The following THBS1 variants were observed in gnomAD, a reference collection of about 807,000 sequenced individuals.
THBS1 encodes the protein thrombospondin-1.
In THBS1, 29 loss-of-function variants were observed where a neutral mutation model predicts 126.1. That is an observed-to-expected ratio of 0.23 (90% CI 0.17 to 0.31). The LOEUF is 0.31. THBS1 is among the 10% of genes least tolerant of loss of function. The probability of loss-of-function intolerance (pLI) is 1.00; values close to 1 mark genes in which losing one functional copy is unlikely to be tolerated. For synonymous variants in THBS1, 496 were observed against 577.8 expected (o/e 0.86, Z 2.03); for missense variants, 1,198 against 1,545.2 (o/e 0.78, Z 3.77).
chr15:39,582,033 A>T, intron 2 of THBS1, 109 bp downstream of exon 2: 2 of 1,364,842 alleles, frequency 1.5e-6, no homozygotes, highest in Non-Finnish European at 2.1e-6. Context: ...CTGACTGGAC[A>T]TCAGGACGCA....
chr15:39,583,539 A>G, intron 3 of THBS1, 78 bp from the exon 4 acceptor site: 1 of 1,202,760 alleles, frequency 8.3e-7, no homozygotes, highest in Non-Finnish European at 1.2e-6. Context: ...TGCTTTTCCT[A>G]GCATACAGAC....
At position 39,588,183 on chromosome 15, in the gene THBS1, G is replaced by T; in HGVS notation, c.1436G>T (p.Arg479Leu). 6.2e-7 allele frequency: 1 copy of T among 1,614,086 alleles called. No individual in the cohort carries two copies. The highest frequency in any genetic ancestry group is 8.5e-7 in the Non-Finnish European group (1 of 1,180,032). The change falls in exon 9 of 22, where the codon CGG (arginine) becomes CTG (leucine). Residue 479 changes from arginine (R) to leucine (L), a missense_variant. Transcript: ENST00000260356. Reference protein sequence around the residue: ...MNGKPCEGEARETKACKKDAC... With the variant: ...MNGKPCEGEALETKACKKDAC... ...GGGAAACCCTGTGAAGGCGAAGCGC[G>T]GGAGACCAAAGCCTGCAAGAAAGAC... is the stretch of plus-strand genomic sequence containing the variant.
intron 8 of THBS1, 107 bp downstream of exon 8, chr15:39,587,627 C>A: frequency 8.2e-7 from 1 of 1,216,076 alleles, no homozygotes; most frequent in Non-Finnish European, 1.1e-6. Flanking sequence ...TCTAGGATCT[C>A]TGGATCCCAA....
chr15:39,583,891 A>G, intron 4 of THBS1, 97 bp from the exon 5 acceptor site: 1 of 1,461,454 alleles, frequency 6.8e-7, no homozygotes, highest in South Asian at 1.2e-5. Flanking sequence ...CTCTACCTGC[A>G]TCCTTCACAC....
Position 39,585,479 on chromosome 15 carries a change from A to G in THBS1, c.1036A>G (p.Thr346Ala). The G allele has an allele frequency of 6.2e-7, 1 of 1,614,100 alleles. No individual in the cohort carries two copies. Among genetic ancestry groups the G allele is most frequent in the Non-Finnish European group, 8.5e-7 (1 of 1,179,970 alleles). The change falls in exon 7 of 22, where the codon ACC becomes GCC. Residue 346 changes from threonine to alanine, a missense_variant. By Grantham distance (58) the Thr-to-Ala change is moderately conservative. This residue lies in a region of THBS1 where 663 missense variants were observed against 860.1 expected (regional missense o/e 0.77). Transcript: ENST00000260356. ...CTECHCQNSV[T>A]ICKKVSCPIM... ...CTCTCTTGCCCTGCAGAACTCAGTT[A>G]CCATCTGCAAAAAGGTGTCCTGCCC...
intron 9 of THBS1, 82 bp from the exon 10 acceptor site, chr15:39,588,444 T>G (rs1890252885): frequency 1.4e-6 from 2 of 1,476,914 alleles, no homozygotes; most frequent in African/African-American, 2.8e-5. Flanking sequence ...AGAGGTTTCT[T>G]GAACGGGCTT....
chr15:39,597,971 T>C lies in THBS1; in HGVS notation c.*2602T>C, dbSNP rs933539192. On this transcript the variant is annotated 3_prime_UTR_variant, in exon 22 of 22. Transcript: ENST00000260356. ...GCAATGTTGAGCCAAGCATTACAGA[T>C]ACCTCCTCTTGAAGAAGGAATAATA... 1 of 152,174 alleles carries C rather than the reference T, an allele frequency of 6.6e-6. No individual in the cohort carries two copies. The highest frequency in any genetic ancestry group is 1.5e-5 in the Non-Finnish European group (1 of 68,032). The allele number at this position is 152,174 out of a possible 1,614,324, so 9.4% of individuals were successfully genotyped here.
chr15:39,593,727 G>T lies in THBS1; in HGVS notation c.3267+59G>T. 6.3e-7 allele frequency: 1 copy of T among 1,581,588 alleles called. No homozygotes were observed. Among genetic ancestry groups the T allele is most frequent in the Admixed American group, 1.8e-5 (1 of 56,766 alleles). ...TTATGGGTGCCTGACTAGCACTGGG[G>T]ATGCTGTGCTTTGACCAAGACTCTG... On this transcript the variant is annotated intron_variant, in intron 19 of 21. Transcript: ENST00000260356. The surrounding 1 kb of genome is among the most constrained non-coding windows in gnomAD (Gnocchi z 5.9).
At position 39,593,338 on chromosome 15, in the gene THBS1, A is replaced by G. The variant is rs2140350744; in HGVS notation, c.2996-59A>G. The G allele has an allele frequency of 6.2e-7, 1 of 1,613,184 alleles. No individual in the cohort carries two copies. On this transcript the variant is annotated intron_variant, in intron 18 of 21. Coordinates refer to ENST00000260356, the MANE Select transcript of THBS1 (RefSeq NM_003246.4). This position sits in a 1 kb window ranked among gnomAD's most constrained non-coding sequence, Gnocchi z 5.9. ...GTGGGTGCTGAGGATGTCTAGGAACATGATGGAGAACCTTCTGAAGGCTGC... is the reference window on the plus strand; with the variant it reads ...GTGGGTGCTGAGGATGTCTAGGAACGTGATGGAGAACCTTCTGAAGGCTGC...
rs201454661 is a variant in THBS1 at position 39,589,230 on chromosome 15, A to G, written c.1802A>G (p.Asn601Ser). The G allele has an allele frequency of 2.8e-4, 458 of 1,614,158 alleles. 2 individuals are homozygous for G. In the East Asian group the frequency reaches 8.6e-3, roughly 30 times the overall value. ...ECKEVPDACF[N>S]HNGEHRCENT... is the part of the protein sequence containing the mutation. ...AAAGAAGTGCCTGATGCCTGCTTCA[A>G]CCACAATGGAGAGCACCGGTGTGAG... The change falls in exon 12 of 22, where the codon AAC becomes AGC. Residue 601 changes from asparagine (N) to serine (S), a missense_variant. Transcript: ENST00000260356. This position sits in a 1 kb window ranked among gnomAD's most constrained non-coding sequence, Gnocchi z 4.7.
chr15:39,590,481 A>G, intron 13 of THBS1, 35 bp from the exon 14 acceptor site: 1 of 1,538,970 alleles, frequency 6.5e-7, no homozygotes, highest in South Asian at 1.2e-5. Context: ...TGAGGAAGGC[A>G]ACTGAAGCAG....
At position 39,594,064 on chromosome 15, in the gene THBS1, C is replaced by A; in HGVS notation, c.3268-35C>A. The A allele has an allele frequency of 6.3e-7, 1 of 1,579,748 alleles. No individual in the cohort carries two copies. Among genetic ancestry groups the A allele is most frequent in the Non-Finnish European group, 8.7e-7 (1 of 1,155,458 alleles). ...AAATAGAAATCTTTACCTGAAGGAG[C>A]TGTGTTTCAACCTTTCCTTTTCCTT... On this transcript the variant is annotated intron_variant, in intron 19 of 21. Transcript: ENST00000260356. This position sits in a 1 kb window ranked among gnomAD's most constrained non-coding sequence, Gnocchi z 4.4.
At position 39,595,914 on chromosome 15, in the gene THBS1, G is replaced by T. The variant is rs1242994325; in HGVS notation, c.*545G>T. The T allele has an allele frequency of 2.2e-6, 1 of 452,538 alleles. No individual in the cohort carries two copies. Among genetic ancestry groups the T allele is most frequent in the South Asian group, 1.6e-5 (1 of 64,358 alleles). 28.0% of individuals were successfully genotyped at this position (452,538 alleles called of 1,614,324 possible). A position where few individuals can be genotyped will look rare whatever the true frequency, so the allele number is the denominator to read the frequency against. ...GTTCGGTACTAAGTCATTTTCAGGG[G>T]ATTGAAAGACTATTGCTGGATTTCA... is the stretch of plus-strand genomic sequence containing the variant. On this transcript the variant is annotated 3_prime_UTR_variant, in exon 22 of 22. Coordinates refer to ENST00000260356, the MANE Select transcript of THBS1 (RefSeq NM_003246.4).
intron 8 of THBS1, among the ~76,000 whole-genome samples, 198 bp downstream of exon 8, chr15:39,587,718 A>G (rs1294205522): frequency 2.6e-5 from 4 of 152,214 alleles, no homozygotes; most frequent in African/African-American, 9.6e-5. Flanking sequence ...GGAGATAATA[A>G]TAGTTCTTGA....
At position 39,581,639 on chromosome 15, in the gene THBS1, C is replaced by CCTCTCTCTCTCTCTCTCTCTCTCTCTCT. The variant is rs3138595; in HGVS notation, c.-29-188_-29-161dup. The stretch of plus-strand genomic sequence containing the variant: ...TTAAAACCAGCATCTCTTTCCTCCA[C>CCTCTCTCTCTCTCTCTCTCTCTCTCTCT]CTCTCTCTCTCTCTCTCTCTCTCTC... On this transcript the variant is annotated intron_variant, in intron 1 of 21. Coordinates refer to ENST00000260356, the MANE Select transcript of THBS1 (RefSeq NM_003246.4). The CCTCTCTCTCTCTCTCTCTCTCTCTCTCT allele has an allele frequency of 6.0e-4, 221 of 366,030 alleles. 3 individuals carry two copies. Among genetic ancestry groups the CCTCTCTCTCTCTCTCTCTCTCTCTCTCT allele is most frequent in the African/African-American group, 5.4e-3 (197 of 36,478 alleles). The allele number at this position is 366,030 out of a possible 1,614,324, so 22.7% of individuals were successfully genotyped here.
chr15:39,590,563 G>C lies in THBS1; in HGVS notation c.2193G>C (p.Lys731Asn). Residue 731 changes from lysine to asparagine, a missense_variant, in exon 14 of 22, where the codon AAG becomes AAC. Coordinates refer to ENST00000260356, the MANE Select transcript of THBS1 (RefSeq NM_003246.4). Reference sequence around the variant, plus strand: ...ACTCAGGGCAGGAAGACTATGACAAGGATGGAATTGGTGATGCCTGTGATG... The same window carrying C: ...ACTCAGGGCAGGAAGACTATGACAACGATGGAATTGGTGATGCCTGTGATG... ...LPNSGQEDYD[K>N]DGIGDACDDD... 6.2e-7 allele frequency: 1 copy of C among 1,613,994 alleles called. No homozygotes were observed. The highest frequency in any genetic ancestry group is 8.5e-7 in the Non-Finnish European group (1 of 1,179,972).
Position 39,589,370 on chromosome 15 carries a change from C to T in THBS1, c.1926+16C>T, listed in dbSNP as rs1017838345. 33 of 1,613,088 alleles carry T rather than the reference C, an allele frequency of 2.0e-5. No homozygotes were observed. Among genetic ancestry groups the T allele is most frequent in the Non-Finnish European group, 2.5e-5 (29 of 1,179,874 alleles). On this transcript the variant is annotated intron_variant, in intron 12 of 21. Coordinates refer to ENST00000260356, the MANE Select transcript of THBS1 (RefSeq NM_003246.4). The surrounding 1 kb of genome is among the most constrained non-coding windows in gnomAD (Gnocchi z 4.7). The stretch of plus-strand genomic sequence containing the variant: ...CAACAAACAGGTACAGTCAACTAGA[C>T]GAGTAAACCAGAGGACAGGAGAGCT...
In THBS1 at chr15:39,595,371, C is replaced by T. The variant is rs756102906; in HGVS notation, c.*2C>T. ...TTTGTTTATTTAACAGATCCCTAAT[C>T]ATCAAATTGTTGATTGAAAGACTGA... On this transcript the variant is annotated 3_prime_UTR_variant, in exon 22 of 22. Coordinates refer to ENST00000260356, the MANE Select transcript of THBS1 (RefSeq NM_003246.4). 1 of 1,487,282 alleles carries T rather than the reference C, an allele frequency of 6.7e-7. No individual in the cohort carries two copies. The highest frequency in any genetic ancestry group is 9.0e-7 in the Non-Finnish European group (1 of 1,114,742). The allele number at this position is 1,487,282 out of a possible 1,614,324, so 92.1% of individuals were successfully genotyped here.
chr15:39,582,089 CAGG>C, intron 2 of THBS1, 101 bp from the exon 3 acceptor site: 1 of 1,377,924 alleles, frequency 7.3e-7, no homozygotes, highest in Non-Finnish European at 1.0e-6. Flanking sequence ...CAGTGGTTGC[CAGG>C]AGTTTTCACC....
Sources: gnomAD v4.1 joint callset for allele counts (sites outside exome capture counted in the v4.1 genomes callset) on GRCh38, gnomAD v4.1.1 for gene constraint, gnomAD v4.1.1 regional missense constraint, Gnocchi (gnomAD v3.1) non-coding constraint, MANE v1.5 for transcripts, NCBI Gene and HGNC (gene_info 2026-07-23, HGNC 2026-07-21) for gene names.